Variants in IGSF11 observed in about 807,000 individuals in gnomAD.
IGSF11 encodes the protein CXADR like 1.
In IGSF11, 22 loss-of-function variants were observed where a neutral mutation model predicts 41.0. The observed-to-expected ratio is 0.54, with a 90% CI of 0.38 to 0.77. The LOEUF (loss-of-function observed/expected upper bound fraction) is 0.77. Ranked by LOEUF, IGSF11 falls within the 30% of genes least tolerant of loss-of-function variation. The pLI is 0.00. For missense variants in IGSF11, 444 were observed against 530.8 expected, an observed-to-expected ratio of 0.84 and a Z score of 1.61; for synonymous variants, 219 against 201.3, an observed-to-expected ratio of 1.09 and a Z score of -0.74.
At chr3:118,962,022 G>C (rs1945370115) in intron 1 of IGSF11, among the ~76,000 whole-genome samples, 1 of 152,156 alleles carries the variant, frequency 6.6e-6, no homozygotes, top group South Asian at 2.1e-4. Context: ...TAATTATATG[G>C]CCTGGACTCT....
At chr3:119,144,700 C>A (rs2077696067) in intron 1 of IGSF11, among the ~76,000 whole-genome samples, 1 of 152,056 alleles carries the variant, frequency 6.6e-6, no homozygotes, top group Admixed American at 6.6e-5. Context: ...AAAAAAAGAT[C>A]TCAAATTGAT....
chr3:118,997,465 T>C (rs752117860), intron 1 of IGSF11, among the ~76,000 whole-genome samples: 3 of 152,114 alleles, frequency 2.0e-5, no homozygotes, highest in Non-Finnish European at 4.4e-5. Flanking sequence ...ACAGAAGCCA[T>C]TTGGCAGCAA....
chr3:119,080,909 T>C (rs2076576121), intron 1 of IGSF11, among the ~76,000 whole-genome samples: 1 of 152,166 alleles, frequency 6.6e-6, no homozygotes, highest in Non-Finnish European at 1.5e-5. Flanking sequence ...TATTAATATA[T>C]TAATGAATTT....
chr3:119,081,313 C>A lies in IGSF11; in HGVS notation c.49+23831G>T, dbSNP rs542461146. Among the ~76,000 whole-genome samples, 20 of 152,094 alleles carry A rather than the reference C, an allele frequency of 1.3e-4. No individual in the cohort carries two copies. In the South Asian group the frequency reaches 3.7e-3, roughly 28 times the overall value. ...CTCCTCATAATCTTATCCTTTACTTCTTTTCCCTCTACTTTTTATTGCTTC... is the reference window on the plus strand; with the variant it reads ...CTCCTCATAATCTTATCCTTTACTTATTTTCCCTCTACTTTTTATTGCTTC... On this transcript the variant is annotated intron_variant, in intron 1 of 6. Coordinates refer to the IGSF11 transcript ENST00000354673.
intron 1 of IGSF11, chr3:119,105,015 G>T: frequency 1.8e-6 from 1 of 570,682 alleles, no homozygotes; most frequent in Non-Finnish European, 3.1e-6. Context: ...CTTAGAAATG[G>T]AAGATTTTTT....
intron 1 of IGSF11, among the ~76,000 whole-genome samples, chr3:118,936,605 T>A (rs1188293460): frequency 6.6e-6 from 1 of 152,192 alleles, no homozygotes; most frequent in Non-Finnish European, 1.5e-5. Flanking sequence ...TGCACTTGAA[T>A]CTTTTCTTTG....
intron 1 of IGSF11, among the ~76,000 whole-genome samples, chr3:119,030,304 C>A (rs1940271727): frequency 6.6e-6 from 1 of 152,122 alleles, no homozygotes; most frequent in African/African-American, 2.4e-5. Context: ...AAATATGATT[C>A]TTTCTGTAAT....
At chr3:119,141,346 T>C (rs2077645667) in intron 1 of IGSF11, among the ~76,000 whole-genome samples, 1 of 151,004 alleles carries the variant, frequency 6.6e-6, no homozygotes, top group Non-Finnish European at 1.5e-5. Context: ...AGCCTAATTT[T>C]CCACCTTAAA....
rs112821037 is a variant in IGSF11 at position 119,117,840 on chromosome 3, A to T, written c.-13-12635T>A. Among the ~76,000 whole-genome samples the T allele has an allele frequency of 3.6e-3, 545 of 152,372 alleles. 2 individuals are homozygous for T. Among genetic ancestry groups the T allele is most frequent in the African/African-American group, 0.012 (509 of 41,590 alleles). Reference sequence around the variant, plus strand: ...TAAATATTGCCATCCCAAATGGGAAAAATTGGCTAAAACAAAGGGGCTATA... The same window carrying T: ...TAAATATTGCCATCCCAAATGGGAATAATTGGCTAAAACAAAGGGGCTATA... On this transcript the variant is annotated intron_variant, in intron 1 of 7. Transcript: ENST00000425327.
intron 1 of IGSF11, chr3:119,112,519 A>T (rs2077193146): frequency 6.6e-6 from 1 of 152,390 alleles, no homozygotes; most frequent in African/African-American, 2.4e-5. Flanking sequence ...TGACCAGGAA[A>T]GGGAACTCCC....
At chr3:118,925,273 C>CTATCA (rs1216624736) in intron 4 of IGSF11, among the ~76,000 whole-genome samples, 1 of 152,042 alleles carries the variant, frequency 6.6e-6, no homozygotes, top group Non-Finnish European at 1.5e-5. Context: ...CAGGTGTGGA[C>CTATCA]TATCAACATG....
At chr3:118,928,762 C>A (rs1431911711) in intron 2 of IGSF11, 46 bp from the exon 3 acceptor site, 6 of 1,389,918 alleles carry the variant, frequency 4.3e-6, no homozygotes, top group Non-Finnish European at 6.0e-6. Flanking sequence ...CTATCCTCTC[C>A]TAGACACAAA....
At chr3:118,946,533 A>C (rs1325186168) in intron 1 of IGSF11, among the ~76,000 whole-genome samples, 1 of 152,136 alleles carries the variant, frequency 6.6e-6, no homozygotes, top group Non-Finnish European at 1.5e-5. Flanking sequence ...GTCCTGAAGA[A>C]TGGGCTTTCA....
intron 1 of IGSF11, among the ~76,000 whole-genome samples, chr3:118,991,316 T>C (rs764375760): frequency 6.6e-6 from 1 of 152,176 alleles, no homozygotes; most frequent in South Asian, 2.1e-4. Context: ...CCAATATCTA[T>C]GTTATGGTGG....
intron 1 of IGSF11, among the ~76,000 whole-genome samples, chr3:118,964,615 T>C (rs1420699364): frequency 2.0e-5 from 3 of 152,156 alleles, no homozygotes; most frequent in Admixed American, 2.0e-4. Flanking sequence ...ACTCTGAGCG[T>C]ATGGAGTATT....
rs868253281 is a variant in IGSF11, at chr3:118,939,292, C to T, written c.53-9017G>A. 3.2e-4 allele frequency among the ~76,000 whole-genome samples: 49 copies of T among 151,566 alleles called. No individual in the cohort carries two copies. The Middle Eastern group carries it at 0.024, about 74-fold the overall frequency. On this transcript the variant is annotated intron_variant, in intron 1 of 6. Transcript: ENST00000393775. The stretch of plus-strand genomic sequence containing the variant: ...ATGTATTTTTTTTTTTAAATCACTT[C>T]GGGCCAGGTGTGGTGGCTCAAGCCT...
intron 1 of IGSF11, among the ~76,000 whole-genome samples, chr3:119,125,770 G>A (rs2077395938): frequency 6.6e-6 from 1 of 152,122 alleles, no homozygotes; most frequent in Admixed American, 6.5e-5. Context: ...CATGACCCAC[G>A]GAGAGAAGGG....
At chr3:118,975,837 G>C (rs1443042428) in intron 1 of IGSF11, among the ~76,000 whole-genome samples, 1 of 152,116 alleles carries the variant, frequency 6.6e-6, no homozygotes, top group Non-Finnish European at 1.5e-5. Flanking sequence ...TGGACAAAAA[G>C]ATGAGAACAA....
chr3:118,911,383 C>A (rs767493970), intron 4 of IGSF11, among the ~76,000 whole-genome samples: 17 of 152,114 alleles, frequency 1.1e-4, no homozygotes, highest in Non-Finnish European at 2.4e-4. Context: ...AATTATGGAA[C>A]CACTCTTACT....
Sources: allele counts gnomAD v4.1 joint callset (sites outside exome capture counted in the v4.1 genomes callset), GRCh38; gene constraint gnomAD v4.1.1; transcripts MANE v1.5; gene names NCBI Gene and HGNC (gene_info 2026-07-23, HGNC 2026-07-21).